Variants in GRID2 observed in about 807,000 individuals in gnomAD.
GRID2 encodes the protein glutamate ionotropic receptor delta type subunit 2.
In GRID2, 33 loss-of-function variants were observed where a neutral mutation model predicts 114.8. That is an observed-to-expected ratio of 0.29 (90% CI 0.22 to 0.38). GRID2 has a LOEUF of 0.38. GRID2 is among the 10% of genes least tolerant of loss of function. The pLI is 1.00. For missense variants in GRID2, 1,184 were observed against 1,257.7 expected (o/e 0.94, Z 0.89); for synonymous variants, 505 against 449.9 (o/e 1.12, Z -1.55).
intron 13 of GRID2, among the ~76,000 whole-genome samples, chr4:93,562,417 A>G (rs907891191): frequency 3.3e-5 from 5 of 151,846 alleles, no homozygotes; most frequent in African/African-American, 1.2e-4. Flanking sequence ...TTGAATTTTA[A>G]GTTCTTTCTA....
intron 14 of GRID2, among the ~76,000 whole-genome samples, chr4:93,707,099 A>G (rs1424578440): frequency 6.6e-6 from 1 of 152,046 alleles, no homozygotes; most frequent in African/African-American, 2.4e-5. Flanking sequence ...TGTTGAACTC[A>G]GTTTGCTGGT....
intron 1 of GRID2, among the ~76,000 whole-genome samples, chr4:92,376,613 C>G (rs1729368265): frequency 6.6e-6 from 1 of 152,044 alleles, no homozygotes. Context: ...CCCCACATTT[C>G]CCTTCCACAC....
chr4:92,912,114 C>T (rs986095700), intron 2 of GRID2, among the ~76,000 whole-genome samples: 1 of 151,804 alleles, frequency 6.6e-6, no homozygotes, highest in Admixed American at 6.6e-5. Context: ...AGACAAAACA[C>T]TTTCTTGAAG....
intron 3 of GRID2, among the ~76,000 whole-genome samples, chr4:93,088,313 T>G (rs1390999937): frequency 1.3e-5 from 2 of 152,154 alleles, no homozygotes; most frequent in Admixed American, 1.3e-4. Flanking sequence ...GGTTAGGAAG[T>G]GTTCAGCTTT....
chr4:92,940,691 A>G (rs556787261), intron 2 of GRID2, among the ~76,000 whole-genome samples: 1 of 152,150 alleles, frequency 6.6e-6, no homozygotes, highest in South Asian at 2.1e-4. Context: ...TCAGTATGAT[A>G]TTGGCTGTGG....
intron 14 of GRID2, among the ~76,000 whole-genome samples, chr4:93,667,857 G>A (rs539134414): frequency 1.3e-5 from 2 of 152,108 alleles, no homozygotes; most frequent in East Asian, 1.9e-4. Context: ...AAGATTTAAC[G>A]TAATGCAGTG....
At chr4:92,484,989 A>G (rs1412834724) in intron 1 of GRID2, among the ~76,000 whole-genome samples, 1 of 152,038 alleles carries the variant, frequency 6.6e-6, no homozygotes, top group Admixed American at 6.6e-5. Flanking sequence ...GGTGCTTACC[A>G]TACATTTAAG....
Position 93,755,275 on chromosome 4 carries a change from T to C in GRID2, c.2361-13935T>C, listed in dbSNP as rs113907406. 6.9e-3 allele frequency among the ~76,000 whole-genome samples: 1,054 copies of C among 152,300 alleles called. 14 individuals are homozygous for C. Among genetic ancestry groups the C allele is most frequent in the African/African-American group, 0.024 (1,007 of 41,556 alleles). ...GGTTGAAGAAAATAGATACATTATC[T>C]AAAGTAATAGATAAGTCTCATTAAG... On this transcript the variant is annotated intron_variant, in intron 14 of 15. Coordinates refer to ENST00000282020, the MANE Select transcript of GRID2 (RefSeq NM_001510.4).
intron 2 of GRID2, among the ~76,000 whole-genome samples, chr4:92,852,203 G>GCCTGTAATGAATACTTTAA (rs1743864448): frequency 6.6e-6 from 1 of 151,812 alleles, no homozygotes; most frequent in Non-Finnish European, 1.5e-5. Context: ...ATAGAGATGT[G>GCCTGTAATGAATACTTTAA]TAAGGGAGGT....
chr4:92,961,136 A>G (rs1331665135), intron 2 of GRID2, among the ~76,000 whole-genome samples: 2 of 151,912 alleles, frequency 1.3e-5, no homozygotes, highest in Admixed American at 6.6e-5. Context: ...TTTCACATAT[A>G]CGTAAGCATA....
At chr4:93,062,893 TAA>T (rs1727930570) in intron 2 of GRID2, among the ~76,000 whole-genome samples, 1 of 152,032 alleles carries the variant, frequency 6.6e-6, no homozygotes. Context: ...TCACTATCTT[TAA>T]AAGACAATTT....
At chr4:93,514,747 A>G (rs1729538717) in intron 12 of GRID2, among the ~76,000 whole-genome samples, 1 of 152,178 alleles carries the variant, frequency 6.6e-6, no homozygotes, top group African/African-American at 2.4e-5. Context: ...CTAATTTTTA[A>G]GACTACATTT....
intron 2 of GRID2, among the ~76,000 whole-genome samples, chr4:92,977,101 A>G (rs556933342): frequency 1.3e-5 from 2 of 152,282 alleles, no homozygotes; most frequent in Admixed American, 6.5e-5. Context: ...AAACTCATCT[A>G]TTATTACAAG....
At chr4:93,441,753 C>T (rs1721640111) in intron 10 of GRID2, among the ~76,000 whole-genome samples, 1 of 151,904 alleles carries the variant, frequency 6.6e-6, no homozygotes, top group Admixed American at 6.6e-5. Flanking sequence ...CATTTGGGTA[C>T]TTCAGATTTC....
intron 1 of GRID2, among the ~76,000 whole-genome samples, chr4:92,438,044 T>C (rs1732823685): frequency 6.6e-6 from 1 of 152,216 alleles, no homozygotes; most frequent in Non-Finnish European, 1.5e-5. Flanking sequence ...CCACAATAAA[T>C]AATCTCCAAG....
chr4:92,475,513 A>T (rs1722263264), intron 1 of GRID2, among the ~76,000 whole-genome samples: 1 of 151,696 alleles, frequency 6.6e-6, no homozygotes, highest in Middle Eastern at 3.2e-3. Context: ...GTCTGTCTGC[A>T]TTGTTCTGTT....
chr4:92,822,317 G>C (rs1410954343), intron 2 of GRID2: 2 of 617,888 alleles, frequency 3.2e-6, no homozygotes, highest in African/African-American at 3.7e-5. Flanking sequence ...AGCACAGAGG[G>C]ATCCATCTGG....
chr4:93,170,542 A>C lies in GRID2; in HGVS notation c.736-36862A>C, dbSNP rs138927918. ...AGATATAGATAGGTTTCTCTACCAG[A>C]CAGTTCCTGCTTCGCCATAATAGCA... On this transcript the variant is annotated intron_variant, in intron 4 of 15. Coordinates refer to ENST00000282020, the MANE Select transcript of GRID2 (RefSeq NM_001510.4). Among the ~76,000 whole-genome samples the C allele has an allele frequency of 3.9e-5, 6 of 152,270 alleles. No homozygotes were observed. The East Asian group carries it at 1.2e-3, about 29-fold the overall frequency.
At chr4:93,231,390 C>CAAAAAAAA (rs34267723) in intron 7 of GRID2, among the ~76,000 whole-genome samples, 1 of 104,510 alleles carries the variant, frequency 9.6e-6, no homozygotes. Context: ...CACCCCCTGC[C>CAAAAAAAA]AAAAAAAAAA....
Sources: allele counts gnomAD v4.1 joint callset (sites outside exome capture counted in the v4.1 genomes callset), GRCh38; gene constraint gnomAD v4.1.1; transcripts MANE v1.5; gene names NCBI Gene and HGNC (gene_info 2026-07-23, HGNC 2026-07-21).